ANPEP: variants seen among roughly 807,000 people sequenced by gnomAD.
The protein encoded by ANPEP is aminopeptidase N.
ANPEP carries 70 observed loss-of-function variants against 114.6 expected under a neutral mutation model. That is an observed-to-expected ratio of 0.61 (90% CI 0.50 to 0.75). The LOEUF (loss-of-function observed/expected upper bound fraction) is 0.75, where lower values mean the gene tolerates loss of function less well. ANPEP is among the 30% of genes least tolerant of loss of function. The pLI is 0.00. For missense variants in ANPEP, 1,184 were observed against 1,259.5 expected (o/e 0.94, Z 0.91); for synonymous variants, 548 against 522.3 (o/e 1.05, Z -0.67).
rs753385879 is a variant in ANPEP, at chr15:89,785,432, G to C, written c.2821C>G (p.Leu941Val). 3.1e-6 allele frequency: 5 copies of C among 1,614,178 alleles called. No homozygotes were observed. The highest frequency in any genetic ancestry group is 2.5e-6 in the Non-Finnish European group (3 of 1,180,002). The part of the protein sequence containing the change: ...GSGTRALEQA[L>V]EKTKANIKWV... ...TTGATGTTGGCTTTCGTCTTCTCCA[G>C]GGCTTGCTCCAGGGCCCGGGTGCCT... is the stretch of plus-strand genomic sequence containing the variant. The change falls in exon 21 of 21, where the codon CTG becomes GTG. Residue 941 changes from leucine to valine, a missense_variant. Transcript: ENST00000300060.
chr15:89,814,183 C>G (rs1383337795), intron 1 of ANPEP, among the ~76,000 whole-genome samples: 1 of 152,198 alleles, frequency 6.6e-6, no homozygotes, highest in Non-Finnish European at 1.5e-5. Context: ...GCATCTTGGC[C>G]GGGTTGTAGG....
chr15:89,796,555 T>C (rs140873415), intron 15 of ANPEP, among the ~76,000 whole-genome samples: 3,777 of 152,180 alleles, frequency 0.025, 148 homozygotes, highest in African/African-American at 0.079. Flanking sequence ...TAGCACCATC[T>C]TGGCTCACTG....
In ANPEP at chr15:89,799,173, AG is replaced by A; in HGVS notation, c.2009+86del. 1 of 1,495,134 alleles carries A rather than the reference AG, an allele frequency of 6.7e-7. No homozygotes were observed. The highest frequency in any genetic ancestry group is 9.3e-7 in the Non-Finnish European group (1 of 1,075,676). The allele number at this position is 1,495,134 out of a possible 1,614,324, so 92.6% of individuals were successfully genotyped here. ...ACAGCACGTGGCATATGGGAAGGGC[AG>A]CAGGAGGAGCAGGGGCCCTCATTGT... On this transcript the variant is annotated intron_variant, in intron 14 of 20. Transcript: ENST00000300060. This position sits in a 1 kb window ranked among gnomAD's most constrained non-coding sequence, Gnocchi z 4.2.
At chr15:89,795,268 C>G (rs899096291) in intron 15 of ANPEP, among the ~76,000 whole-genome samples, 3 of 151,584 alleles carry the variant, frequency 2.0e-5, no homozygotes, top group Non-Finnish European at 4.4e-5. Flanking sequence ...AGGGAACCTC[C>G]CAGGGGGCAG....
In ANPEP at chr15:89,803,113, A is replaced by G; in HGVS notation, c.1569+126T>C. 9.3e-7 allele frequency: 1 copy of G among 1,073,016 alleles called. No homozygotes were observed. The highest frequency in any genetic ancestry group is 1.8e-5 in the Admixed American group (1 of 56,074). 66.5% of individuals were successfully genotyped at this position (1,073,016 alleles called of 1,614,324 possible). ...TATAGGGAGGAGCAACAGAGGCTCC[A>G]TCCACCCTGCAGGGCTGGTCAGCCG... On this transcript the variant is annotated intron_variant, in intron 10 of 20. Transcript: ENST00000300060. This position sits in a 1 kb window ranked among gnomAD's most constrained non-coding sequence, Gnocchi z 4.2.
chr15:89,795,792 A>G (rs983672194), intron 15 of ANPEP, among the ~76,000 whole-genome samples: 1 of 152,178 alleles, frequency 6.6e-6, no homozygotes, highest in Non-Finnish European at 1.5e-5. Context: ...GTATTCCCCT[A>G]TGAGAGGGGA....
Position 89,801,516 on chromosome 15 carries a change from A to G in ANPEP, c.1661T>C (p.Val554Ala). 1 of 1,614,162 alleles carries G rather than the reference A, an allele frequency of 6.2e-7. No individual in the cohort carries two copies. Among genetic ancestry groups the G allele is most frequent in the Non-Finnish European group, 8.5e-7 (1 of 1,180,014 alleles). ...TLQMGFPVIT[V>A]DTSTGTLSQE... ...GGAAAGGGTCCCCGTGCTGGTATCC[A>G]CCGTGATGACCGGGAAGCCCATCTG... Residue 554 changes from valine (V) to alanine (A), a missense_variant, in exon 11 of 21, where the codon GTG becomes GCG. Transcript: ENST00000300060.
Position 89,799,237 on chromosome 15 carries a change from G to A in ANPEP, c.2009+23C>T, listed in dbSNP as rs956000831. The A allele has an allele frequency of 1.9e-6, 3 of 1,613,940 alleles. No individual in the cohort carries two copies. The highest frequency in any genetic ancestry group is 1.3e-5 in the African/African-American group (1 of 74,928). ...GCTGAAGTCACGAGCTTCTGCAGCT[G>A]AGCCAGGCAGCGGAGCACTCACCTG... On this transcript the variant is annotated intron_variant, in intron 14 of 20. Coordinates refer to ENST00000300060, the MANE Select transcript of ANPEP (RefSeq NM_001150.3). This position sits in a 1 kb window ranked among gnomAD's most constrained non-coding sequence, Gnocchi z 4.2.
rs372362530 is a variant in ANPEP, at chr15:89,799,573, C to A, written c.1820-14G>T. The A allele has an allele frequency of 6.2e-7, 1 of 1,614,096 alleles. No homozygotes were observed. ...GATCGTTCTGGGCTGTGGAGAGGGA[C>A]GAGACCTGGGCAGGGCTGCTCAGAG... On this transcript the variant is annotated splice_polypyrimidine_tract_variant and intron_variant, in intron 12 of 20. Coordinates refer to ENST00000300060, the MANE Select transcript of ANPEP (RefSeq NM_001150.3). This position sits in a 1 kb window ranked among gnomAD's most constrained non-coding sequence, Gnocchi z 4.2.
intron 11 of ANPEP, 60 bp downstream of exon 11, chr15:89,801,375 C>T: frequency 1.3e-6 from 2 of 1,594,992 alleles, no homozygotes. Context: ...ACTATGGTCC[C>T]TTAGTAACTG....
In ANPEP at chr15:89,793,560, G is replaced by A. The variant is rs1225679728; in HGVS notation, c.2158-434C>T. Among the ~76,000 whole-genome samples, 7 of 151,928 alleles carry A rather than the reference G, an allele frequency of 4.6e-5. No homozygotes were observed. The East Asian group carries it at 5.8e-4, about 13-fold the overall frequency. ...TACTAAAACCACAAAAAAATTAGCC[G>A]AGTGTGGTGGTGCACACCTGTATTC... On this transcript the variant is annotated intron_variant, in intron 15 of 20. Transcript: ENST00000300060.
Position 89,803,592 on chromosome 15 carries a change from C to T in ANPEP, c.1437+55G>A. 1.2e-6 allele frequency: 2 copies of T among 1,601,674 alleles called. No individual in the cohort carries two copies. The highest frequency in any genetic ancestry group is 1.7e-6 in the Non-Finnish European group (2 of 1,173,868). ...CCCAGACCCTGCCTTCAGTGAGGCC[C>T]CTCCAGGCCAAGTCCCCACCTCCTT... On this transcript the variant is annotated intron_variant, in intron 8 of 20. Transcript: ENST00000300060. The surrounding 1 kb of genome is among the most constrained non-coding windows in gnomAD (Gnocchi z 4.2).
intron 1 of ANPEP, among the ~76,000 whole-genome samples, chr15:89,807,440 C>T (rs1007026194): frequency 5.3e-5 from 8 of 152,206 alleles, no homozygotes; most frequent in African/African-American, 1.9e-4. Flanking sequence ...GTGGCTCACG[C>T]CTGTAATCCT....
chr15:89,791,477 G>A (rs577663159), intron 18 of ANPEP, among the ~76,000 whole-genome samples: 3 of 151,908 alleles, frequency 2.0e-5, no homozygotes, highest in Admixed American at 1.3e-4. Flanking sequence ...TCACTCTGTC[G>A]CCCAGGCTGG....
intron 1 of ANPEP, among the ~76,000 whole-genome samples, chr15:89,809,654 C>T (rs569002668): frequency 2.6e-5 from 4 of 152,350 alleles, no homozygotes; most frequent in Admixed American, 6.5e-5. Flanking sequence ...CACACCCCAT[C>T]GGGCAGTGGC....
At chr15:89,793,442 T>C (rs1968670670) in intron 15 of ANPEP, among the ~76,000 whole-genome samples, 1 of 152,176 alleles carries the variant, frequency 6.6e-6, no homozygotes, top group Non-Finnish European at 1.5e-5. Context: ...GGCTCACACT[T>C]GTAATTCCAG....
chr15:89,787,919 G>C (rs1968536650), intron 20 of ANPEP, among the ~76,000 whole-genome samples: 1 of 152,122 alleles, frequency 6.6e-6, no homozygotes, highest in Non-Finnish European at 1.5e-5. Context: ...AGATATAACT[G>C]AAAACCATAA....
chr15:89,804,561 C>A lies in ANPEP; in HGVS notation c.954G>T (p.Leu318=), dbSNP rs41276916. 0.074 allele frequency: 118,768 copies of A among 1,613,602 alleles called. 4,981 individuals carry two copies. Among genetic ancestry groups the A allele is most frequent in the Non-Finnish European group, 0.084 (99,681 of 1,179,740 alleles). The change falls in exon 5 of 21, where the codon CTG becomes CTT. Residue 318 remains leucine (L), a synonymous_variant. Coordinates refer to ENST00000300060, the MANE Select transcript of ANPEP (RefSeq NM_001150.3). ...AIAAGHGDYA[L]NVTGPILNFF... is the part of the protein sequence containing the mutation. The stretch of plus-strand genomic sequence containing the variant: ...AGTTAAGGATGGGGCCCGTCACGTT[C>A]AGGGCATAATCGCCGTGGCCCGCCG...
intron 1 of ANPEP, among the ~76,000 whole-genome samples, chr15:89,811,649 TAAAA>T (rs754725578): frequency 3.0e-5 from 3 of 100,538 alleles, no homozygotes; most frequent in East Asian, 2.7e-4. Flanking sequence ...CCATCTCAAG[TAAAA>T]AAAAAAAAAA....
Sources: allele counts gnomAD v4.1 joint callset (sites outside exome capture counted in the v4.1 genomes callset), GRCh38; gene constraint gnomAD v4.1.1; non-coding constraint Gnocchi (gnomAD v3.1); transcripts MANE v1.5; gene names NCBI Gene and HGNC (gene_info 2026-07-23, HGNC 2026-07-21).